Variants in PATL1 observed in about 807,000 individuals in gnomAD.
The protein encoded by PATL1 is PAT1 homolog 1, processing body mRNA decay factor.
In PATL1, 32 loss-of-function variants were observed where a neutral mutation model predicts 100.6. The ratio of observed to expected loss-of-function variants is 0.32; its 90% CI spans 0.24 to 0.43. PATL1 has a LOEUF of 0.43. Among genes scored for constraint, PATL1 ranks in the 20% least tolerant of loss-of-function variants. PATL1 has a pLI of 1.00. For missense variants in PATL1, 747 were observed against 949.9 expected (o/e 0.79, Z 2.81); for synonymous variants, 332 against 330.0 (o/e 1.01, Z -0.07).
At chr11:59,650,548 A>C (rs1861427271) in intron 13 of PATL1, among the ~76,000 whole-genome samples, 1 of 152,248 alleles carries the variant, frequency 6.6e-6, no homozygotes, top group South Asian at 2.1e-4. Context: ...CTTTAACTGC[A>C]GTGTTCTTTC....
At chr11:59,668,831 A>G in intron 1 of PATL1, 50 bp downstream of exon 1, 2 of 945,574 alleles carry the variant, frequency 2.1e-6, no homozygotes, top group African/African-American at 1.8e-5. Context: ...AGAGTGAGGG[A>G]GAGGGGCGCG....
At chr11:59,648,890 A>G (rs1223828813) in intron 14 of PATL1, among the ~76,000 whole-genome samples, 1 of 152,204 alleles carries the variant, frequency 6.6e-6, no homozygotes, top group Non-Finnish European at 1.5e-5. Flanking sequence ...AACGGGTAAA[A>G]AGAAAGGGAG....
At position 59,659,344 on chromosome 11, in the gene PATL1, T is replaced by C. The variant is rs1238066167; in HGVS notation, c.253A>G (p.Asn85Asp). The change falls in exon 3 of 19, where the codon AAT (asparagine) becomes GAT (aspartate). Residue 85 changes from asparagine (N) to aspartate (D), a missense_variant. Around this residue, in one of 4 missense-constraint regions of PATL1, gnomAD observed 183 missense variants for 221.2 expected, o/e 0.83. Transcript: ENST00000300146. ...ATCTTACTGAGCCTTTCTGCCAGAT[T>C]CTCCTCATGGTCACCCAACAAGTCC... ...EMDLLGDHEE[N>D]LAERLSKMVI... 2 of 1,551,266 alleles carry C rather than the reference T, an allele frequency of 1.3e-6. No individual in the cohort carries two copies. Among genetic ancestry groups the C allele is most frequent in the Non-Finnish European group, 1.7e-6 (2 of 1,146,818 alleles).
At position 59,647,931 on chromosome 11, in the gene PATL1, G is replaced by A; in HGVS notation, c.1734-18C>T. ...CACTAGGCCTGCAAGGAAGAAAAATGCCAGCTTAGGTCAGCAAGAACAATT... is the reference window on the plus strand; with the variant it reads ...CACTAGGCCTGCAAGGAAGAAAAATACCAGCTTAGGTCAGCAAGAACAATT... On this transcript the variant is annotated intron_variant, in intron 14 of 18. Coordinates refer to ENST00000300146, the MANE Select transcript of PATL1 (RefSeq NM_152716.3). 1.9e-6 allele frequency: 3 copies of A among 1,582,084 alleles called. No individual in the cohort carries two copies. Among genetic ancestry groups the A allele is most frequent in the African/African-American group, 1.4e-5 (1 of 73,738 alleles).
At chr11:59,645,811 A>G (rs977915671) in intron 15 of PATL1, among the ~76,000 whole-genome samples, 2 of 152,140 alleles carry the variant, frequency 1.3e-5, no homozygotes, top group African/African-American at 4.8e-5. Flanking sequence ...GACTCTAGTA[A>G]TCTATTAACT....
intron 1 of PATL1, 117 bp from the exon 2 acceptor site, chr11:59,667,081 TG>T: frequency 7.0e-7 from 1 of 1,419,872 alleles, no homozygotes; most frequent in Non-Finnish European, 9.2e-7. Flanking sequence ...TATGACTTTT[TG>T]TAAAGATGGC....
At chr11:59,668,813 G>C in intron 1 of PATL1, 68 bp downstream of exon 1, 1 of 864,592 alleles carries the variant, frequency 1.2e-6, no homozygotes, top group Admixed American at 2.3e-5. Flanking sequence ...GGACCGGCGC[G>C]CGGAGAGAGA....
At chr11:59,651,791 G>T in intron 11 of PATL1, 150 bp from the exon 12 acceptor site, 1 of 628,070 alleles carries the variant, frequency 1.6e-6, no homozygotes, top group South Asian at 2.0e-5. Context: ...TAGGCCGGGT[G>T]TGGTAACTCA....
At chr11:59,663,428 A>C (rs550660893) in intron 2 of PATL1, among the ~76,000 whole-genome samples, 1 of 152,282 alleles carries the variant, frequency 6.6e-6, no homozygotes, top group South Asian at 2.1e-4. Flanking sequence ...TTCCAAGTGG[A>C]GGCAGGAGAT....
intron 2 of PATL1, among the ~76,000 whole-genome samples, chr11:59,662,661 A>C (rs1861641822): frequency 6.6e-6 from 1 of 152,210 alleles, no homozygotes; most frequent in African/African-American, 2.4e-5. Context: ...TAGCAATGCC[A>C]CAAGAGTGGG....
chr11:59,655,711 C>A lies in PATL1; in HGVS notation c.843G>T (p.Gln281His), dbSNP rs1197736815. 1 of 1,600,582 alleles carries A rather than the reference C, an allele frequency of 6.2e-7. No individual in the cohort carries two copies. The highest frequency in any genetic ancestry group is 8.5e-7 in the Non-Finnish European group (1 of 1,173,480). Reference sequence around the variant, plus strand: ...CAACAAATCCAGGGACCCGTGCAAACTGGCTGGGAGACATCCGTCCAGGCT... The same window carrying A: ...CAACAAATCCAGGGACCCGTGCAAAATGGCTGGGAGACATCCGTCCAGGCT... ...QLQPGRMSPS[Q>H]FARVPGFVGS... is the part of the protein sequence containing the mutation. The change falls in exon 8 of 19, where the codon CAG becomes CAT. Residue 281 changes from glutamine to histidine, a missense_variant. Physicochemically the swap from Gln to His is conservative, Grantham distance 24. Transcript: ENST00000300146.
At chr11:59,657,810 G>A (rs924892255) in intron 4 of PATL1, 86 bp from the exon 5 acceptor site, 1 of 1,032,468 alleles carries the variant, frequency 9.7e-7, no homozygotes, top group Admixed American at 3.4e-5. Context: ...AATACCTTAA[G>A]AAATTTTTTT....
intron 13 of PATL1, 105 bp from the exon 14 acceptor site, chr11:59,649,715 T>A: frequency 1.7e-6 from 2 of 1,206,454 alleles, no homozygotes; most frequent in East Asian, 5.4e-5. Flanking sequence ...AAACTCATTA[T>A]AGAAAGACTG....
chr11:59,652,595 G>A lies in PATL1; in HGVS notation c.1303-8C>T, dbSNP rs371112869. ...CAGTTTTTCAAAGTAATTCTACCAC[G>A]AGAAGATGATTTCAGTTGTAACACA... is the stretch of plus-strand genomic sequence containing the variant. On this transcript the variant is annotated splice_region_variant and splice_polypyrimidine_tract_variant and intron_variant, in intron 10 of 18. Transcript: ENST00000300146. The A allele has an allele frequency of 8.1e-6, 13 of 1,612,410 alleles. No homozygotes were observed. The highest frequency in any genetic ancestry group is 5.0e-5 in the Admixed American group (3 of 59,670).
chr11:59,648,554 T>G (rs939324809), intron 14 of PATL1, among the ~76,000 whole-genome samples: 1 of 151,908 alleles, frequency 6.6e-6, no homozygotes, highest in African/African-American at 2.4e-5. Flanking sequence ...AAAACATTCG[T>G]CAACTCAGAG....
Position 59,652,600 on chromosome 11 carries a change from G to A in PATL1, c.1303-13C>T, listed in dbSNP as rs1012339396. On this transcript the variant is annotated splice_polypyrimidine_tract_variant and intron_variant, in intron 10 of 18. Transcript: ENST00000300146. ...TTTCAAAGTAATTCTACCACGAGAA[G>A]ATGATTTCAGTTGTAACACAAGCAC... The A allele has an allele frequency of 1.2e-6, 2 of 1,612,436 alleles. No individual in the cohort carries two copies. The highest frequency in any genetic ancestry group is 8.5e-7 in the Non-Finnish European group (1 of 1,179,460).
chr11:59,655,328 C>T (rs181544491), intron 8 of PATL1, among the ~76,000 whole-genome samples, 195 bp downstream of exon 8: 29 of 152,238 alleles, frequency 1.9e-4, no homozygotes, highest in Non-Finnish European at 3.5e-4. Flanking sequence ...ATTCCATACC[C>T]TCTGGTAATG....
intron 10 of PATL1, 114 bp downstream of exon 10, chr11:59,652,724 A>G (rs1433606398): frequency 6.7e-7 from 1 of 1,497,610 alleles, no homozygotes; most frequent in Non-Finnish European, 9.0e-7. Context: ...GCAAGATGCT[A>G]AGTACCTCAA....
rs80052730 is a variant in PATL1 at position 59,657,508 on chromosome 11, T to C, written c.621+22A>G. 2.6e-5 allele frequency: 41 copies of C among 1,555,806 alleles called. No homozygotes were observed. The East Asian group carries it at 7.5e-4, about 29-fold the overall frequency. On this transcript the variant is annotated intron_variant, in intron 5 of 18. Coordinates refer to ENST00000300146, the MANE Select transcript of PATL1 (RefSeq NM_152716.3). ...CCCAGATTCCCAATATCCTGGGCTG[T>C]GTGCTTGTTAATGAGAGGTACCTGT... is the stretch of plus-strand genomic sequence containing the variant.
Sources: gnomAD v4.1 joint callset for allele counts (sites outside exome capture counted in the v4.1 genomes callset) on GRCh38, gnomAD v4.1.1 for gene constraint, gnomAD v4.1.1 regional missense constraint, MANE v1.5 for transcripts, NCBI Gene and HGNC (gene_info 2026-07-23, HGNC 2026-07-21) for gene names.